Variants in NEGR1 observed in about 807,000 individuals in gnomAD.
NEGR1 encodes IgLON family member 4.
In NEGR1, 10 loss-of-function variants were observed where a neutral mutation model predicts 40.9. The observed-to-expected ratio is 0.24, with a 90% CI of 0.15 to 0.42. The LOEUF (loss-of-function observed/expected upper bound fraction) is 0.42. NEGR1 is among the 10% of genes least tolerant of loss of function. The pLI is 1.00. For synonymous variants in NEGR1, 185 were observed against 166.8 expected (o/e 1.11, Z -0.84); for missense variants, 352 against 438.9 (o/e 0.80, Z 1.77).
At chr1:71,647,104 G>T (rs1651556386) in intron 4 of NEGR1, among the ~76,000 whole-genome samples, 1 of 151,710 alleles carries the variant, frequency 6.6e-6, no homozygotes, top group Non-Finnish European at 1.5e-5. Flanking sequence ...AAAACCGAGA[G>T]AATTCTTTAT....
At chr1:72,005,719 TA>T (rs1429274464) in intron 1 of NEGR1, among the ~76,000 whole-genome samples, 1 of 152,130 alleles carries the variant, frequency 6.6e-6, no homozygotes, top group Non-Finnish European at 1.5e-5. Flanking sequence ...AGATCACCTG[TA>T]AAATTTTCCT....
chr1:72,040,223 T>C (rs1646939828), intron 1 of NEGR1, among the ~76,000 whole-genome samples: 3 of 151,784 alleles, frequency 2.0e-5, no homozygotes, highest in Admixed American at 6.6e-5. Context: ...TTCCCCCGAA[T>C]CCCGCATCGT....
chr1:71,751,463 T>C (rs1439119455), intron 3 of NEGR1, among the ~76,000 whole-genome samples: 1 of 152,184 alleles, frequency 6.6e-6, no homozygotes, highest in South Asian at 2.1e-4. Flanking sequence ...TGAAAACCAA[T>C]ACTATTAAAT....
chr1:71,629,488 G>A (rs1250674646), intron 4 of NEGR1, among the ~76,000 whole-genome samples: 2 of 151,888 alleles, frequency 1.3e-5, no homozygotes, highest in Admixed American at 6.6e-5. Context: ...TATTCTCTTT[G>A]TAGCAATTGT....
chr1:72,057,848 C>G (rs926385475), intron 1 of NEGR1, among the ~76,000 whole-genome samples: 2 of 151,378 alleles, frequency 1.3e-5, no homozygotes, highest in Non-Finnish European at 3.0e-5. Context: ...TCTGTTTTCT[C>G]TTCTTATAAT....
chr1:71,870,844 G>C (rs1005807454), intron 2 of NEGR1, among the ~76,000 whole-genome samples: 3 of 151,974 alleles, frequency 2.0e-5, no homozygotes, highest in Non-Finnish European at 4.4e-5. Context: ...AACCTGAAGG[G>C]GTGAATGTTC....
intron 6 of NEGR1, among the ~76,000 whole-genome samples, chr1:71,469,314 G>C (rs1646767136): frequency 6.6e-6 from 1 of 151,964 alleles, no homozygotes; most frequent in Non-Finnish European, 1.5e-5. Context: ...GTTGCATAGG[G>C]ATAAAATTGA....
chr1:71,612,078 C>T (rs1031912610), intron 4 of NEGR1, among the ~76,000 whole-genome samples: 57 of 152,194 alleles, frequency 3.7e-4, no homozygotes, highest in Non-Finnish European at 6.5e-4. Context: ...AAAAATTAGC[C>T]GGGCATGGTG....
intron 4 of NEGR1, among the ~76,000 whole-genome samples, chr1:71,679,828 C>A (rs1158316542): frequency 6.6e-6 from 1 of 152,032 alleles, no homozygotes; most frequent in African/African-American, 2.4e-5. Context: ...TTATATGCCA[C>A]TCATCAGGTT....
At chr1:71,797,621 T>C (rs1246198343) in intron 2 of NEGR1, among the ~76,000 whole-genome samples, 1 of 152,216 alleles carries the variant, frequency 6.6e-6, no homozygotes, top group East Asian at 1.9e-4. Flanking sequence ...ACATAAATTA[T>C]GTATTTGATA....
chr1:71,961,765 T>C (rs377178304), intron 1 of NEGR1, among the ~76,000 whole-genome samples: 3 of 152,178 alleles, frequency 2.0e-5, no homozygotes, highest in African/African-American at 7.2e-5. Context: ...ACAACTATCT[T>C]CTGGAGCTAT....
At chr1:71,678,888 C>T (rs565644928) in intron 4 of NEGR1, among the ~76,000 whole-genome samples, 1 of 152,008 alleles carries the variant, frequency 6.6e-6, no homozygotes, top group Non-Finnish European at 1.5e-5. Context: ...TCAAAGGCAG[C>T]CGAGCAAACA....
intron 4 of NEGR1, among the ~76,000 whole-genome samples, chr1:71,652,883 C>T (rs1651763404): frequency 1.3e-5 from 2 of 151,778 alleles, no homozygotes; most frequent in Admixed American, 1.3e-4. Context: ...AAAAAGTTTG[C>T]CACCCCCTGT....
At chr1:71,569,857 A>G (rs1457464718) in intron 6 of NEGR1, among the ~76,000 whole-genome samples, 1 of 152,204 alleles carries the variant, frequency 6.6e-6, no homozygotes, top group Non-Finnish European at 1.5e-5. Flanking sequence ...AGAAAAGATC[A>G]GACACAAGTG....
chr1:72,217,720 A>C (rs1158828871), intron 1 of NEGR1, among the ~76,000 whole-genome samples: 1 of 151,872 alleles, frequency 6.6e-6, no homozygotes, highest in Non-Finnish European at 1.5e-5. Context: ...GTCTTTGTGC[A>C]AAACAGTGAA....
intron 1 of NEGR1, among the ~76,000 whole-genome samples, chr1:72,102,214 G>C (rs1173193190): frequency 6.6e-6 from 1 of 152,002 alleles, no homozygotes; most frequent in Non-Finnish European, 1.5e-5. Flanking sequence ...TTATTTGTAT[G>C]ATGAAAAAAT....
intron 6 of NEGR1, among the ~76,000 whole-genome samples, chr1:71,459,659 C>T (rs1232618931): frequency 2.6e-5 from 4 of 152,154 alleles, no homozygotes; most frequent in Non-Finnish European, 5.9e-5. Flanking sequence ...TCAAATCCTG[C>T]CCATCCACTA....
At chr1:72,054,778 A>G (rs900843909) in intron 1 of NEGR1, among the ~76,000 whole-genome samples, 1 of 151,262 alleles carries the variant, frequency 6.6e-6, no homozygotes, top group East Asian at 1.9e-4. Flanking sequence ...CCAAATATTC[A>G]TATATCCACA....
chr1:72,268,342 T>C (rs953842374), intron 1 of NEGR1, among the ~76,000 whole-genome samples: 1 of 151,450 alleles, frequency 6.6e-6, no homozygotes, highest in African/African-American at 2.4e-5. Context: ...GTATTTCCAT[T>C]TTACAGACAA....
Sources: allele counts gnomAD v4.1 joint callset (sites outside exome capture counted in the v4.1 genomes callset), GRCh38; gene constraint gnomAD v4.1.1; transcripts MANE v1.5; gene names NCBI Gene and HGNC (gene_info 2026-07-23, HGNC 2026-07-21).